Variants in FBN1 observed in about 807,000 individuals in gnomAD.
FBN1 encodes fibrillin 1.
In FBN1, 29 loss-of-function variants were observed where a neutral mutation model predicts 365.1. The observed-to-expected ratio is 0.08, with a 90% CI of 0.06 to 0.11. The LOEUF is 0.11. Ranked by LOEUF, FBN1 falls within the 10% of genes least tolerant of loss-of-function variation. FBN1 has a pLI of 1.00. For missense variants in FBN1, 2,476 were observed against 3,703.2 expected (o/e 0.67, Z 8.60); for synonymous variants, 1,210 against 1,270.5 (o/e 0.95, Z 1.01).
chr15:48,596,991 G>A (rs16961223), intron 5 of FBN1, among the ~76,000 whole-genome samples: 15,655 of 152,152 alleles, frequency 0.1, 2,798 homozygotes, highest in African/African-American at 0.36. Flanking sequence ...TTCATGTGCT[G>A]AACAACTCCT....
intron 44 of FBN1, among the ~76,000 whole-genome samples, chr15:48,454,806 G>C (rs1231583018): frequency 6.6e-6 from 1 of 152,214 alleles, no homozygotes; most frequent in African/African-American, 2.4e-5. Context: ...GTCTAAGGCA[G>C]GTGGATTGTG....
At chr15:48,444,707 C>G (rs1264309441) in intron 48 of FBN1, 47 bp from the exon 49 acceptor site, 3 of 1,606,962 alleles carry the variant, frequency 1.9e-6, no homozygotes, top group South Asian at 2.2e-5. Context: ...ACTGGCATGA[C>G]TTCCATCAAA....
chr15:48,468,477 G>C lies in FBN1; in HGVS notation c.4517C>G (p.Pro1506Arg). 3 of 1,614,040 alleles carry C rather than the reference G, an allele frequency of 1.9e-6. No individual in the cohort carries two copies. The highest frequency in any genetic ancestry group is 2.5e-6 in the Non-Finnish European group (3 of 1,179,936). The part of the protein sequence containing the change: ...TCISGNCVNT[P>R]GSYICDCPPD... ...TGGGCAGTCACAGATATAGCTGCCT[G>C]GAGTGTTGACACAGTTCCCACTGAT... Residue 1506 changes from proline to arginine, a missense_variant, in exon 37 of 66, where the codon CCA (proline) becomes CGA (arginine). Transcript: ENST00000316623.
intron 2 of FBN1, among the ~76,000 whole-genome samples, chr15:48,617,869 A>G (rs1262738832): frequency 6.6e-6 from 1 of 152,230 alleles, no homozygotes; most frequent in South Asian, 2.1e-4. Context: ...GGCCTCTTAC[A>G]GCAAGATAGC....
In FBN1 at chr15:48,616,748, G is replaced by A. The variant is rs774276049; in HGVS notation, c.165-3656C>T. ...CACTCCAACACACACACACAAAGTC[G>A]GATTTAAAGCTCTGTGCAAGTAGCA... On this transcript the variant is annotated intron_variant, in intron 2 of 65. Transcript: ENST00000316623. Among the ~76,000 whole-genome samples the A allele has an allele frequency of 4.2e-4, 64 of 152,040 alleles. 1 individual carries two copies. Among genetic ancestry groups the A allele is most frequent in the African/African-American group, 4.8e-4 (20 of 41,470 alleles).
At chr15:48,516,661 A>C (rs540069074) in intron 10 of FBN1, among the ~76,000 whole-genome samples, 1 of 152,346 alleles carries the variant, frequency 6.6e-6, no homozygotes, top group East Asian at 1.9e-4. Context: ...TACTTTCTCC[A>C]TCCAGTCCCA....
chr15:48,633,375 C>T (rs1415312814), intron 2 of FBN1, among the ~76,000 whole-genome samples: 1 of 152,168 alleles, frequency 6.6e-6, no homozygotes, highest in Non-Finnish European at 1.5e-5. Context: ...AGAAACCAAG[C>T]TTAATCACAG....
chr15:48,553,949 C>T (rs1597602017), intron 6 of FBN1, among the ~76,000 whole-genome samples: 2 of 152,168 alleles, frequency 1.3e-5, no homozygotes, highest in South Asian at 4.1e-4. Flanking sequence ...TCACTTAATT[C>T]TCACAACAAT....
intron 50 of FBN1, 138 bp from the exon 51 acceptor site, chr15:48,438,055 T>C (rs1312179537): frequency 2.2e-6 from 2 of 897,094 alleles, no homozygotes; most frequent in South Asian, 1.3e-5. Context: ...GTGATTCTAA[T>C]GGTAACTGAG....
chr15:48,427,669 C>T lies in FBN1; in HGVS notation c.7102G>A (p.Gly2368Arg). The change falls in exon 58 of 66, where the codon GGG becomes AGG. Residue 2368 changes from glycine to arginine, a missense_variant. Transcript: ENST00000316623. ...TCACAGTGGGGACCCCAGCCTCTCCCTCCGTCACAGCAGCATTCCGATTTG... is the reference window on the plus strand; with the variant it reads ...TCACAGTGGGGACCCCAGCCTCTCCTTCCGTCACAGCAGCATTCCGATTTG... ...VTKSECCCDG[G>R]RGWGPHCEIC... 1 of 1,614,168 alleles carries T rather than the reference C, an allele frequency of 6.2e-7. No homozygotes were observed. Among genetic ancestry groups the T allele is most frequent in the South Asian group, 1.1e-5 (1 of 91,078 alleles).
Position 48,510,093 on chromosome 15 carries a change from G to A in FBN1, c.1665C>T (p.Cys555=), listed in dbSNP as rs531101773. Residue 555 remains cysteine (C), a synonymous_variant, in exon 14 of 66, where the codon TGC becomes TGT. Transcript: ENST00000316623. ...TAACATGAAAGCCCGCATTACACAC[G>A]CAATGAAAACTGCCATCTGTGTTGA... The part of the protein sequence containing the change: ...RCINTDGSFH[C]VCNAGFHVTR... The A allele has an allele frequency of 5.6e-6, 9 of 1,613,330 alleles. No homozygotes were observed. Among genetic ancestry groups the A allele is most frequent in the East Asian group, 2.2e-5 (1 of 44,838 alleles).
rs963938790 is a variant in FBN1, at chr15:48,435,766, GTGTATA to G, written c.6497-1059_6497-1054del. ...TGTATATATATGTGTGTATATATAT[GTGTATA>G]TGTGTGTGTGTGTGTGTGTGTGTGT... On this transcript the variant is annotated intron_variant, in intron 53 of 65. Transcript: ENST00000316623. Among the ~76,000 whole-genome samples, 83 of 28,170 alleles carry G rather than the reference GTGTATA, an allele frequency of 2.9e-3. 1 individual carries two copies. Among genetic ancestry groups the G allele is most frequent in the East Asian group, 0.013 (8 of 604 alleles). 18.5% of individuals were successfully genotyped at this position (28,170 alleles called of 152,430 possible).
rs1321653034 is a variant in FBN1 at position 48,505,265 on chromosome 15, C to G, written c.1838-118G>C. 3 of 1,249,594 alleles carry G rather than the reference C, an allele frequency of 2.4e-6. No homozygotes were observed. In the African/African-American group the frequency reaches 4.5e-5, roughly 19 times the overall value. The allele number at this position is 1,249,594 out of a possible 1,614,324, so 77.4% of individuals were successfully genotyped here. A position where few individuals can be genotyped will look rare whatever the true frequency, so the allele number is the denominator to read the frequency against. ...GAAGATAGGAAATAATATGCAGCAT[C>G]AGCAACAAAAGCTCAAATGGCATTC... On this transcript the variant is annotated intron_variant, in intron 15 of 65. Transcript: ENST00000316623.
At chr15:48,577,445 A>C (rs1417270630) in intron 6 of FBN1, among the ~76,000 whole-genome samples, 1 of 152,208 alleles carries the variant, frequency 6.6e-6, no homozygotes, top group Non-Finnish European at 1.5e-5. Flanking sequence ...AAAATTAAAA[A>C]GTATTTCAGG....
chr15:48,415,940 G>A (rs1951817616), intron 63 of FBN1, among the ~76,000 whole-genome samples, 173 bp from the exon 64 acceptor site: 1 of 152,168 alleles, frequency 6.6e-6, no homozygotes, highest in Non-Finnish European at 1.5e-5. Flanking sequence ...ATGCGGGCAT[G>A]GATGTGGCTT....
At chr15:48,435,810 GTATA>G (rs1164312097) in intron 53 of FBN1, among the ~76,000 whole-genome samples, 4 of 134,226 alleles carry the variant, frequency 3.0e-5, no homozygotes, top group African/African-American at 6.0e-5. Flanking sequence ...GTGTGTGTGT[GTATA>G]TATGCCTTCT....
At chr15:48,522,815 C>T (rs529021635) in intron 9 of FBN1, among the ~76,000 whole-genome samples, 13 of 152,218 alleles carry the variant, frequency 8.5e-5, no homozygotes, top group Middle Eastern at 3.4e-3. Context: ...AGATTATTTC[C>T]GAAAAGTACT....
chr15:48,622,320 T>C (rs1334251639), intron 2 of FBN1, among the ~76,000 whole-genome samples: 3 of 152,110 alleles, frequency 2.0e-5, no homozygotes, highest in Non-Finnish European at 4.4e-5. Context: ...AACATCAAGG[T>C]CTGCCTGGGG....
intron 5 of FBN1, 138 bp from the exon 6 acceptor site, chr15:48,596,516 T>C (rs968580994): frequency 4.0e-5 from 31 of 768,434 alleles, no homozygotes; most frequent in Non-Finnish European, 5.4e-5. Context: ...ACTCTACAGT[T>C]ACACATACTC....
Sources: allele counts gnomAD v4.1 joint callset (sites outside exome capture counted in the v4.1 genomes callset), GRCh38; gene constraint gnomAD v4.1.1; transcripts MANE v1.5; gene names NCBI Gene and HGNC (gene_info 2026-07-23, HGNC 2026-07-21).